TFEC: variants seen among roughly 807,000 people sequenced by gnomAD.
TFEC encodes the protein transcription factor EC, also known as class E basic helix-loop-helix protein 34.
A neutral mutation model predicts 41.6 loss-of-function variants in TFEC; 31 were observed. That is an observed-to-expected ratio of 0.74 (90% CI 0.56 to 1.01). The LOEUF (loss-of-function observed/expected upper bound fraction) is 1.01, where lower values mean the gene tolerates loss of function less well. Among genes scored for constraint, TFEC ranks in the 50% least tolerant of loss-of-function variants. The pLI, the probability that TFEC is intolerant of heterozygous loss-of-function variation, is 0.00. For missense variants in TFEC, 402 were observed against 404.1 expected (o/e 0.99, Z 0.04); for synonymous variants, 143 against 140.6 (o/e 1.02, Z -0.12).
chr7:116,005,830 T>C (rs1015281862), intron 1 of TFEC, among the ~76,000 whole-genome samples: 5 of 152,166 alleles, frequency 3.3e-5, no homozygotes, highest in Admixed American at 3.3e-4. Flanking sequence ...GAAAAAATGG[T>C]TTCCTGGGCC....
At chr7:116,095,967 A>G (rs974495167) in intron 3 of TFEC, among the ~76,000 whole-genome samples, 1 of 152,174 alleles carries the variant, frequency 6.6e-6, no homozygotes, top group Admixed American at 6.5e-5. Flanking sequence ...ACATCTGTGC[A>G]TTAGATGTGT....
intron 3 of TFEC, among the ~76,000 whole-genome samples, chr7:116,050,483 G>A (rs976823920): frequency 1.1e-4 from 16 of 152,158 alleles, no homozygotes; most frequent in African/African-American, 3.9e-4. Flanking sequence ...AAAAGTGGGT[G>A]AAGGATATGA....
chr7:116,133,088 C>T (rs1349152593), intron 1 of TFEC, among the ~76,000 whole-genome samples: 8 of 152,086 alleles, frequency 5.3e-5, no homozygotes, highest in Admixed American at 2.0e-4. Context: ...AAGCTATCAT[C>T]GATTTTTAAG....
intron 1 of TFEC, among the ~76,000 whole-genome samples, chr7:116,153,244 T>C (rs1188144592): frequency 1.4e-5 from 2 of 147,002 alleles, no homozygotes; most frequent in African/African-American, 5.0e-5. Context: ...GTGGGTGTTT[T>C]TGTTTTGTTT....
chr7:116,000,552 T>C (rs1000378152), intron 1 of TFEC, among the ~76,000 whole-genome samples: 9 of 151,890 alleles, frequency 5.9e-5, no homozygotes, highest in Non-Finnish European at 1.2e-4. Context: ...ACCTAAAGAC[T>C]CCACACAAAA....
At chr7:116,004,959 C>T (rs1275042215) in intron 1 of TFEC, among the ~76,000 whole-genome samples, 2 of 152,116 alleles carry the variant, frequency 1.3e-5, no homozygotes, top group Non-Finnish European at 2.9e-5. Context: ...GTGAGTAAGT[C>T]TCATGAGACC....
intron 1 of TFEC, among the ~76,000 whole-genome samples, chr7:116,158,906 A>G (rs1316319607): frequency 6.6e-6 from 1 of 151,992 alleles, no homozygotes; most frequent in Non-Finnish European, 1.5e-5. Context: ...ATGTACAAAG[A>G]TTTCTTCATT....
Position 115,950,912 on chromosome 7 carries a change from G to T in TFEC, c.477C>A (p.Ile159=). Residue 159 remains isoleucine (I), a synonymous_variant, in exon 6 of 8, where the codon ATC becomes ATA. Coordinates refer to ENST00000265440, the MANE Select transcript of TFEC (RefSeq NM_012252.4). ...TTGGAATAAGAGTGCCAAGCTCCTT[G>T]ATTCGGTAATTAATATTATACCTTC... ...RRRRYNINYR[I]KELGTLIPKS... 6.2e-7 allele frequency: 1 copy of T among 1,603,216 alleles called. No homozygotes were observed. The highest frequency in any genetic ancestry group is 1.7e-5 in the Admixed American group (1 of 59,302).
At chr7:115,950,465 G>A (rs902259467) in intron 6 of TFEC, among the ~76,000 whole-genome samples, 11 of 151,922 alleles carry the variant, frequency 7.2e-5, no homozygotes, top group African/African-American at 1.9e-4. Context: ...TCCAAAATTC[G>A]GGGACCTTGG....
intron 3 of TFEC, among the ~76,000 whole-genome samples, chr7:116,069,078 C>G: frequency 6.6e-6 from 1 of 151,530 alleles, no homozygotes; most frequent in East Asian, 1.9e-4. Context: ...ATATGTTGAA[C>G]TGTCATATAT....
chr7:116,134,036 T>C (rs1327701321), intron 1 of TFEC, among the ~76,000 whole-genome samples: 1 of 152,166 alleles, frequency 6.6e-6, no homozygotes, highest in African/African-American at 2.4e-5. Flanking sequence ...CAATCCAGAC[T>C]AAAAGCTTAA....
intron 1 of TFEC, among the ~76,000 whole-genome samples, chr7:115,990,900 G>A (rs751585309): frequency 1.1e-4 from 16 of 152,174 alleles, no homozygotes; most frequent in South Asian, 6.2e-4. Flanking sequence ...GATACTCCTC[G>A]AGAAGAGCAA....
chr7:116,095,112 T>C (rs1381368298), intron 3 of TFEC, among the ~76,000 whole-genome samples: 1 of 152,212 alleles, frequency 6.6e-6, no homozygotes, highest in Non-Finnish European at 1.5e-5. Context: ...ATCCAAGATT[T>C]ACAAAATTTA....
intron 1 of TFEC, among the ~76,000 whole-genome samples, chr7:116,025,208 T>C (rs183365571): frequency 5.3e-5 from 8 of 152,306 alleles, no homozygotes; most frequent in Non-Finnish European, 8.8e-5. Flanking sequence ...TTTCATTTTG[T>C]TCTAAAAAGC....
intron 1 of TFEC, among the ~76,000 whole-genome samples, chr7:116,015,034 T>C (rs111234961): frequency 7.9e-5 from 12 of 151,842 alleles, no homozygotes; most frequent in African/African-American, 2.9e-4. Flanking sequence ...ACCACTGAGT[T>C]TGTGGTAATT....
intron 1 of TFEC, among the ~76,000 whole-genome samples, chr7:116,126,732 C>G (rs1481404075): frequency 6.6e-6 from 1 of 151,854 alleles, no homozygotes; most frequent in Non-Finnish European, 1.5e-5. Flanking sequence ...TTTGATCCAC[C>G]ACTGAATGAT....
intron 3 of TFEC, among the ~76,000 whole-genome samples, chr7:116,081,134 A>T (rs1007103923): frequency 4.6e-5 from 7 of 151,870 alleles, no homozygotes; most frequent in African/African-American, 1.7e-4. Context: ...ACCAAACATC[A>T]TATGTTCTCA....
chr7:116,005,735 A>G (rs550383003), intron 1 of TFEC, among the ~76,000 whole-genome samples: 1 of 152,318 alleles, frequency 6.6e-6, no homozygotes, highest in South Asian at 2.1e-4. Context: ...AATGTTAATC[A>G]CCAAGACGAT....
At chr7:116,138,003 A>G (rs1798467251) in intron 1 of TFEC, among the ~76,000 whole-genome samples, 1 of 152,128 alleles carries the variant, frequency 6.6e-6, no homozygotes, top group South Asian at 2.1e-4. Flanking sequence ...TTGTTTAACC[A>G]TGCACTTTAT....
Sources: gnomAD v4.1 joint callset for allele counts (sites outside exome capture counted in the v4.1 genomes callset) on GRCh38, gnomAD v4.1.1 for gene constraint, MANE v1.5 for transcripts, NCBI Gene and HGNC (gene_info 2026-07-23, HGNC 2026-07-21) for gene names.